Variants in ADAM12 observed in about 807,000 individuals in gnomAD.
The protein encoded by ADAM12 is ADAM metallopeptidase domain 12.
Under a neutral mutation model 106.4 loss-of-function variants are expected in ADAM12, and 70 were observed. That is an observed-to-expected ratio of 0.66 (90% CI 0.54 to 0.80). The LOEUF (loss-of-function observed/expected upper bound fraction) is 0.80, where lower values mean the gene tolerates loss of function less well. Ranked by LOEUF, ADAM12 falls within the 30% of genes least tolerant of loss-of-function variation. The pLI, the probability that ADAM12 is intolerant of heterozygous loss-of-function variation, is 0.00. For missense variants in ADAM12, 1,010 were observed against 1,171.9 expected (o/e 0.86, Z 2.02); for synonymous variants, 420 against 433.5 (o/e 0.97, Z 0.39).
At chr10:126,058,568 G>C (rs907033948) in intron 14 of ADAM12, among the ~76,000 whole-genome samples, 1 of 152,168 alleles carries the variant, frequency 6.6e-6, no homozygotes, top group Non-Finnish European at 1.5e-5. Flanking sequence ...AACCAAAGGG[G>C]GCTGAGTGCT....
chr10:126,265,795 A>T (rs1033855658), intron 3 of ADAM12, among the ~76,000 whole-genome samples: 1 of 152,170 alleles, frequency 6.6e-6, no homozygotes, highest in African/African-American at 2.4e-5. Context: ...AGGATAGGGA[A>T]CCTATATATT....
chr10:126,161,191 A>G lies in ADAM12; in HGVS notation c.261-5886T>C, dbSNP rs190427406. ...TATTCCCTCACTTCCAGCCCTGCAG[A>G]GAGCCTGCACCTCCTCCTGGCTGTA... is the stretch of plus-strand genomic sequence containing the variant. On this transcript the variant is annotated intron_variant, in intron 3 of 22. Transcript: ENST00000448723. Among the ~76,000 whole-genome samples, 194 of 152,344 alleles carry G rather than the reference A, an allele frequency of 1.3e-3. 1 individual carries two copies. The highest frequency in any genetic ancestry group is 2.4e-3 in the Admixed American group (37 of 15,304).
At chr10:126,119,975 TGG>T (rs985793553) in intron 5 of ADAM12, among the ~76,000 whole-genome samples, 1 of 152,236 alleles carries the variant, frequency 6.6e-6, no homozygotes, top group Admixed American at 6.5e-5. Flanking sequence ...AACAGCAAAC[TGG>T]CATCTCTGAA....
chr10:126,364,471 T>A (rs1855845480), intron 1 of ADAM12, among the ~76,000 whole-genome samples: 1 of 152,166 alleles, frequency 6.6e-6, no homozygotes, highest in South Asian at 2.1e-4. Context: ...ATAAACAGGC[T>A]AGTCCCAGAA....
At chr10:126,184,203 C>G (rs1195069048) in intron 3 of ADAM12, among the ~76,000 whole-genome samples, 1 of 152,152 alleles carries the variant, frequency 6.6e-6, no homozygotes, top group Non-Finnish European at 1.5e-5. Context: ...CAATCCAGAG[C>G]ATATCAGAAT....
chr10:126,319,285 C>T (rs761047348), intron 2 of ADAM12, among the ~76,000 whole-genome samples: 11 of 152,148 alleles, frequency 7.2e-5, no homozygotes, highest in Non-Finnish European at 1.3e-4. Context: ...TTCCAGGCAA[C>T]ACAGCATGGG....
At chr10:126,030,703 A>T (rs777279771) in intron 21 of ADAM12, among the ~76,000 whole-genome samples, 1 of 152,204 alleles carries the variant, frequency 6.6e-6, no homozygotes, top group Non-Finnish European at 1.5e-5. Context: ...TGATACCCTT[A>T]AAGACATTTG....
chr10:126,359,894 T>G (rs535868325), intron 1 of ADAM12, among the ~76,000 whole-genome samples: 48 of 152,338 alleles, frequency 3.2e-4, no homozygotes, highest in Middle Eastern at 3.4e-3. Context: ...GACTCACCCC[T>G]GCAGCAAACT....
intron 4 of ADAM12, among the ~76,000 whole-genome samples, chr10:126,151,759 T>A (rs1352292031): frequency 2.6e-5 from 4 of 151,944 alleles, no homozygotes; most frequent in Non-Finnish European, 5.9e-5. Context: ...CTTTATATAG[T>A]TATATTTAAA....
chr10:126,155,133 G>T, intron 4 of ADAM12, 94 bp downstream of exon 4: 1 of 1,360,968 alleles, frequency 7.3e-7, no homozygotes, highest in Non-Finnish European at 1.0e-6. Flanking sequence ...TTAAGAATCT[G>T]GGCATGTGAT....
intron 3 of ADAM12, among the ~76,000 whole-genome samples, chr10:126,267,597 G>A (rs565283540): frequency 1.8e-4 from 27 of 152,166 alleles, no homozygotes; most frequent in Admixed American, 2.6e-4. Context: ...ATCTAATGCC[G>A]CCACTGATCT....
At chr10:126,028,531 C>T (rs1052010557) in intron 21 of ADAM12, among the ~76,000 whole-genome samples, 4 of 152,140 alleles carry the variant, frequency 2.6e-5, no homozygotes, top group Non-Finnish European at 5.9e-5. Flanking sequence ...TGATCTTCAA[C>T]AAACCTGAGA....
intron 3 of ADAM12, among the ~76,000 whole-genome samples, chr10:126,173,250 TATA>T (rs994926814): frequency 7.9e-5 from 12 of 152,138 alleles, no homozygotes; most frequent in African/African-American, 2.9e-4. Flanking sequence ...GAACTTAAAG[TATA>T]ATAATAATAA....
chr10:126,226,626 C>A (rs1475483541), intron 3 of ADAM12, among the ~76,000 whole-genome samples: 2 of 152,194 alleles, frequency 1.3e-5, no homozygotes, highest in African/African-American at 4.8e-5. Context: ...AATAATTATA[C>A]CTCCCATTCA....
chr10:126,268,027 C>T (rs1959134702), intron 3 of ADAM12, among the ~76,000 whole-genome samples: 2 of 152,096 alleles, frequency 1.3e-5, no homozygotes, highest in Admixed American at 1.3e-4. Context: ...TGGCGTTAAG[C>T]ACATTCACAA....
intron 14 of ADAM12, among the ~76,000 whole-genome samples, chr10:126,052,204 G>A (rs1565016283): frequency 6.6e-6 from 1 of 152,152 alleles, no homozygotes; most frequent in East Asian, 1.9e-4. Flanking sequence ...TGCAGCCCAA[G>A]CAACAACAGG....
rs1236139271 is a variant in ADAM12 at position 126,102,941 on chromosome 10, G to A, written c.742-1700C>T. The stretch of plus-strand genomic sequence containing the variant: ...GTGATCAGAAAGCAGAAACGGAGGC[G>A]ATCCAATGCTGATGCTCACACCAGC... On this transcript the variant is annotated intron_variant, in intron 8 of 22. Transcript: ENST00000448723. Among the ~76,000 whole-genome samples, 11 of 152,144 alleles carry A rather than the reference G, an allele frequency of 7.2e-5. No homozygotes were observed. In the East Asian group the frequency reaches 1.3e-3, roughly 19 times the overall value.
intron 8 of ADAM12, among the ~76,000 whole-genome samples, chr10:126,105,591 T>C (rs1429469998): frequency 2.0e-5 from 3 of 152,224 alleles, no homozygotes; most frequent in African/African-American, 7.2e-5. Context: ...GCCTAGGCCC[T>C]GTGCCAGGTC....
chr10:126,021,771 C>G (rs574869889), intron 21 of ADAM12, among the ~76,000 whole-genome samples: 10 of 152,288 alleles, frequency 6.6e-5, no homozygotes, highest in South Asian at 2.1e-4. Flanking sequence ...GATATTGAGG[C>G]TCCTAGCACA....
Sources: allele counts gnomAD v4.1 joint callset (sites outside exome capture counted in the v4.1 genomes callset), GRCh38; gene constraint gnomAD v4.1.1; transcripts MANE v1.5; gene names NCBI Gene and HGNC (gene_info 2026-07-23, HGNC 2026-07-21).